VTI1A: variants seen among roughly 807,000 people sequenced by gnomAD.
VTI1A encodes the protein vesicle transport through interaction with t-SNAREs 1A.
In VTI1A, 22 loss-of-function variants were observed where a neutral mutation model predicts 34.9. That is an observed-to-expected ratio of 0.63 (90% CI 0.45 to 0.90). The LOEUF is 0.90. Among genes scored for constraint, VTI1A ranks in the 40% least tolerant of loss-of-function variants. The pLI, the probability that VTI1A is intolerant of heterozygous loss-of-function variation, is 0.00. For missense variants in VTI1A, 268 were observed against 275.6 expected (o/e 0.97, Z 0.20); for synonymous variants, 87 against 97.3 (o/e 0.89, Z 0.62).
At chr10:112,608,991 A>G (rs1427347939) in intron 5 of VTI1A, among the ~76,000 whole-genome samples, 1 of 152,196 alleles carries the variant, frequency 6.6e-6, no homozygotes, top group African/African-American at 2.4e-5. Context: ...CTTTAAAAAT[A>G]TTTTAACAAA....
chr10:112,778,704 T>A (rs1002024199), intron 7 of VTI1A, among the ~76,000 whole-genome samples: 7 of 152,166 alleles, frequency 4.6e-5, no homozygotes, highest in Middle Eastern at 3.4e-3. Context: ...AGGAAAAAAT[T>A]TTTTTTTTAG....
chr10:112,465,499 T>C (rs1847866552), intron 3 of VTI1A, among the ~76,000 whole-genome samples: 1 of 152,202 alleles, frequency 6.6e-6, no homozygotes, highest in Non-Finnish European at 1.5e-5. Flanking sequence ...AAATGTGGTA[T>C]ATCCACACAA....
At chr10:112,757,312 C>T (rs2134001698) in intron 7 of VTI1A, among the ~76,000 whole-genome samples, 1 of 138,034 alleles carries the variant, frequency 7.2e-6, no homozygotes, top group East Asian at 2.2e-4. Context: ...GGAGGAAAAG[C>T]TCTTTTGCCT....
rs927865682 is a variant in VTI1A at position 112,818,318 on chromosome 10, C to G, written c.*2935C>G. The G allele has an allele frequency of 2.1e-5, 5 of 232,844 alleles. No individual in the cohort carries two copies. Among genetic ancestry groups the G allele is most frequent in the Non-Finnish European group, 4.2e-5 (5 of 117,724 alleles). The allele number at this position is 232,844 out of a possible 1,614,324, so 14.4% of individuals were successfully genotyped here. A position where few individuals can be genotyped will look rare whatever the true frequency, so the allele number is the denominator to read the frequency against. On this transcript the variant is annotated 3_prime_UTR_variant, in exon 8 of 8. Coordinates refer to ENST00000393077, the MANE Select transcript of VTI1A (RefSeq NM_145206.4). ...GAAAAAAGCCTGCCTGTTCCAAAAA[C>G]CTCATCAGATAATGACCTCAGTGAT...
At chr10:112,636,675 G>A (rs1846363079) in intron 5 of VTI1A, among the ~76,000 whole-genome samples, 2 of 147,998 alleles carry the variant, frequency 1.4e-5, no homozygotes, top group African/African-American at 5.0e-5. Context: ...GTTGCAGTGA[G>A]CTGAGATTGC....
At chr10:112,559,256 G>A (rs1436073840) in intron 5 of VTI1A, among the ~76,000 whole-genome samples, 3 of 152,186 alleles carry the variant, frequency 2.0e-5, no homozygotes, top group Admixed American at 1.3e-4. Flanking sequence ...CACTGATTCC[G>A]TTGTAAAGAG....
chr10:112,794,619 A>G (rs1416023761), intron 7 of VTI1A, among the ~76,000 whole-genome samples: 2 of 152,120 alleles, frequency 1.3e-5, no homozygotes, highest in Non-Finnish European at 2.9e-5. Flanking sequence ...CCTAGACACA[A>G]TCATTATTTA....
At chr10:112,463,968 C>T (rs1251214391) in intron 2 of VTI1A, among the ~76,000 whole-genome samples, 3 of 152,178 alleles carry the variant, frequency 2.0e-5, no homozygotes, top group South Asian at 2.1e-4. Flanking sequence ...TTATTAATAA[C>T]GTTTGGGTTA....
intron 6 of VTI1A, 67 bp from the exon 7 acceptor site, chr10:112,668,870 G>T: frequency 1.3e-6 from 2 of 1,494,916 alleles, no homozygotes; most frequent in Non-Finnish European, 9.2e-7. Context: ...ATAAATTGTC[G>T]CTTGCCATGC....
intron 7 of VTI1A, among the ~76,000 whole-genome samples, chr10:112,785,314 C>T: frequency 6.6e-6 from 1 of 152,278 alleles, no homozygotes; most frequent in South Asian, 2.1e-4. Flanking sequence ...AGAGGCAATG[C>T]AGAGAAGCCC....
chr10:112,478,340 A>G (rs1387380808), intron 3 of VTI1A, among the ~76,000 whole-genome samples: 1 of 152,152 alleles, frequency 6.6e-6, no homozygotes, highest in Non-Finnish European at 1.5e-5. Context: ...CTGCCCACCT[A>G]ATGGGAAAAT....
At chr10:112,617,601 G>C (rs983101264) in intron 5 of VTI1A, among the ~76,000 whole-genome samples, 9 of 151,992 alleles carry the variant, frequency 5.9e-5, no homozygotes, top group African/African-American at 2.2e-4. Flanking sequence ...GAAGTTAGGA[G>C]GTGAGTGATC....
intron 5 of VTI1A, among the ~76,000 whole-genome samples, chr10:112,634,008 A>G (rs1165910515): frequency 6.6e-6 from 1 of 152,184 alleles, no homozygotes; most frequent in Non-Finnish European, 1.5e-5. Context: ...TTTTTCCCAG[A>G]GTAATAGAGC....
Position 112,813,044 on chromosome 10 carries a change from T to TCTGAGAGGC in VTI1A, c.561-2246_561-2245insCTGAGAGGC, listed in dbSNP as rs1853373709. On this transcript the variant is annotated intron_variant, in intron 7 of 7. Transcript: ENST00000393077. ...GGCAGTTCTCTTTTGAGTACCTGTG[T>TCTGAGAGGC]GCAACGCGACTGTGCCATGTGCTGG... Among the ~76,000 whole-genome samples the TCTGAGAGGC allele has an allele frequency of 2.0e-5, 3 of 152,340 alleles. No homozygotes were observed. The South Asian group carries it at 6.2e-4, about 32-fold the overall frequency.
chr10:112,648,158 A>G (rs1846876449), intron 5 of VTI1A, among the ~76,000 whole-genome samples: 1 of 152,236 alleles, frequency 6.6e-6, no homozygotes, highest in East Asian at 1.9e-4. Flanking sequence ...GCTTTTTATG[A>G]AAAAGCTAAA....
At chr10:112,787,847 A>T (rs6585189) in intron 7 of VTI1A, among the ~76,000 whole-genome samples, 1 of 150,266 alleles carries the variant, frequency 6.7e-6, no homozygotes, top group Admixed American at 6.6e-5. Flanking sequence ...GATTACAGTC[A>T]CATGACACCA....
At chr10:112,623,825 A>G (rs185970632) in intron 5 of VTI1A, among the ~76,000 whole-genome samples, 13 of 152,290 alleles carry the variant, frequency 8.5e-5, no homozygotes, top group Admixed American at 4.6e-4. Flanking sequence ...GAAAGGGGGA[A>G]AATTGCCTCT....
At chr10:112,746,182 A>T (rs969851265) in intron 7 of VTI1A, among the ~76,000 whole-genome samples, 2 of 152,240 alleles carry the variant, frequency 1.3e-5, no homozygotes. Context: ...ATAGAATTTC[A>T]GATAAATCTG....
chr10:112,526,785 C>T (rs772786365), intron 3 of VTI1A, among the ~76,000 whole-genome samples: 1 of 151,418 alleles, frequency 6.6e-6, no homozygotes, highest in South Asian at 2.1e-4. Flanking sequence ...AGCTGTATTT[C>T]TTTCAGCTTA....
Sources: allele counts gnomAD v4.1 joint callset (sites outside exome capture counted in the v4.1 genomes callset), GRCh38; gene constraint gnomAD v4.1.1; transcripts MANE v1.5; gene names NCBI Gene and HGNC (gene_info 2026-07-23, HGNC 2026-07-21).